CLEC2A: variants seen among roughly 807,000 people sequenced by gnomAD.
CLEC2A encodes C-type lectin domain family 2 member A.
Under a neutral mutation model 18.6 loss-of-function variants are expected in CLEC2A, and 19 were observed. The ratio of observed to expected loss-of-function variants is 1.02; its 90% CI spans 0.71 to 1.50. The LOEUF is 1.50. Ranked by LOEUF, CLEC2A falls within the 40% of genes most tolerant of loss-of-function variation. CLEC2A has a pLI of 0.00. For synonymous variants in CLEC2A, 74 were observed against 64.0 expected (o/e 1.16, Z -0.75); for missense variants, 190 against 207.9 (o/e 0.91, Z 0.53).
At chr12:9,880,008 C>T in the CLEC2A span, among the ~76,000 whole-genome samples, 910 of 152,230 alleles carry the variant, frequency 6.0e-3, 12 homozygotes, top group African/African-American at 0.021. Context: ...GGGTTCTGTA[C>T]GATCTTACAC....
At chr12:9,913,778 A>ATT in intron 4 of CLEC2A, 98 bp from the exon 5 acceptor site, 1 of 728,844 alleles carries the variant, frequency 1.4e-6, no homozygotes, top group Non-Finnish European at 2.1e-6. Context: ...TATACCAAAC[A>ATT]CTGAGCTCCC....
chr12:9,924,642 T>C (rs1863236967), intron 2 of CLEC2A, among the ~76,000 whole-genome samples: 1 of 152,190 alleles, frequency 6.6e-6, no homozygotes, highest in Non-Finnish European at 1.5e-5. Flanking sequence ...CCAGAGGAAA[T>C]TTAACAACTT....
downstream of CLEC2A, among the ~76,000 whole-genome samples, chr12:9,898,224 C>T (rs1406433332): frequency 6.6e-6 from 1 of 152,184 alleles, no homozygotes. Context: ...AACTGATATT[C>T]ATGACTTTTT....
intron 1 of CLEC2A, 39 bp from the exon 2 acceptor site, chr12:9,926,382 T>A: frequency 8.0e-7 from 1 of 1,255,836 alleles, no homozygotes; most frequent in South Asian, 1.3e-5. Flanking sequence ...AATTTCTGAA[T>A]AAACACTGAC....
chr12:9,930,598 C>T (rs1047812353), intron 1 of CLEC2A, among the ~76,000 whole-genome samples: 1 of 151,892 alleles, frequency 6.6e-6, no homozygotes, highest in Non-Finnish European at 1.5e-5. Context: ...TTTTCTTTCA[C>T]TCTATTGTGC....
the CLEC2A span, among the ~76,000 whole-genome samples, chr12:9,889,147 GAATC>G: frequency 6.6e-6 from 1 of 152,158 alleles, no homozygotes; most frequent in Non-Finnish European, 1.5e-5. Flanking sequence ...ACCTATGTTT[GAATC>G]AAGAGATTTC....
the CLEC2A span, among the ~76,000 whole-genome samples, chr12:9,891,349 T>C: frequency 2.0e-5 from 3 of 152,224 alleles, no homozygotes; most frequent in African/African-American, 7.2e-5. Context: ...GGGACTTAAA[T>C]CTGAGTTACC....
At chr12:9,917,905 TA>T (rs993890464) in intron 3 of CLEC2A, among the ~76,000 whole-genome samples, 13 of 152,190 alleles carry the variant, frequency 8.5e-5, no homozygotes, top group Non-Finnish European at 1.8e-4. Flanking sequence ...TGTCTTCTTT[TA>T]AAAAGGGTCT....
At chr12:9,895,267 G>A (rs1173546968), downstream of CLEC2A, among the ~76,000 whole-genome samples, 1 of 152,196 alleles carries the variant, frequency 6.6e-6, no homozygotes, top group Non-Finnish European at 1.5e-5. Flanking sequence ...ATGCTGCTAT[G>A]TGGAGAATTA....
chr12:9,907,382 C>T (rs1303909475), intron 4 of CLEC2A, among the ~76,000 whole-genome samples: 4 of 152,108 alleles, frequency 2.6e-5, no homozygotes, highest in African/African-American at 9.7e-5. Flanking sequence ...GTTTTTAGAG[C>T]ATATGAATGA....
At chr12:9,905,369 G>T (rs990205496) in intron 4 of CLEC2A, among the ~76,000 whole-genome samples, 1 of 152,186 alleles carries the variant, frequency 6.6e-6, no homozygotes, top group African/African-American at 2.4e-5. Context: ...GATGTGCAGG[G>T]AACACCAAGG....
chr12:9,895,934 A>G (rs1415453891), downstream of CLEC2A: 3 of 1,143,690 alleles, frequency 2.6e-6, no homozygotes, highest in East Asian at 8.6e-5. Flanking sequence ...GTTTCTGCTA[A>G]CAGACATCAT....
intron 1 of CLEC2A, among the ~76,000 whole-genome samples, chr12:9,931,706 G>C (rs1377521355): frequency 6.6e-6 from 1 of 152,120 alleles, no homozygotes; most frequent in Non-Finnish European, 1.5e-5. Context: ...TTATCTTAAA[G>C]TTTTGGCAGG....
At chr12:9,932,217 T>G in intron 1 of CLEC2A, 58 bp downstream of exon 1, 1 of 1,216,264 alleles carries the variant, frequency 8.2e-7, no homozygotes, top group Non-Finnish European at 1.2e-6. Context: ...TTTTAAGCTG[T>G]CCTGTATTTT....
chr12:9,920,881 AT>A (rs1565533425), intron 3 of CLEC2A, among the ~76,000 whole-genome samples: 1 of 152,048 alleles, frequency 6.6e-6, no homozygotes, highest in African/African-American at 2.4e-5. Context: ...ATTTTTAAAA[AT>A]TTTTTCTGTC....
In CLEC2A at chr12:9,926,347, C is replaced by T; in HGVS notation, c.56-4G>A. 1 of 1,520,432 alleles carries T rather than the reference C, an allele frequency of 6.6e-7. No homozygotes were observed. 94.2% of individuals were successfully genotyped at this position (1,520,432 alleles called of 1,614,324 possible). ...CAGTTTTGTATCAACTTGGGAACTG[C>T]AAATTAAATCAACACATATTTTACA... On this transcript the variant is annotated splice_region_variant and splice_polypyrimidine_tract_variant and intron_variant, in intron 1 of 4. Coordinates refer to ENST00000455827, the MANE Select transcript of CLEC2A (RefSeq NM_001130711.2).
chr12:9,918,978 G>T (rs533864685), intron 3 of CLEC2A, among the ~76,000 whole-genome samples: 1 of 152,186 alleles, frequency 6.6e-6, no homozygotes, highest in Non-Finnish European at 1.5e-5. Context: ...TGGTGTTGAA[G>T]ATTTGAGGTG....
downstream of CLEC2A, among the ~76,000 whole-genome samples, chr12:9,894,732 A>T (rs1022731782): frequency 6.6e-6 from 1 of 152,192 alleles, no homozygotes; most frequent in Non-Finnish European, 1.5e-5. Flanking sequence ...GGATACATCT[A>T]TTCTACATTT....
chr12:9,922,402 AT>A (rs1373943613), intron 2 of CLEC2A, among the ~76,000 whole-genome samples, 170 bp from the exon 3 acceptor site: 1 of 152,182 alleles, frequency 6.6e-6, no homozygotes, highest in Non-Finnish European at 1.5e-5. Context: ...AAGGAAGATC[AT>A]TTAGTGATCA....
Sources: allele counts gnomAD v4.1 joint callset (sites outside exome capture counted in the v4.1 genomes callset), GRCh38; gene constraint gnomAD v4.1.1; transcripts MANE v1.5; gene names NCBI Gene and HGNC (gene_info 2026-07-23, HGNC 2026-07-21).